The following CDH4 variants were observed in gnomAD, a reference collection of about 807,000 sequenced individuals.
CDH4 encodes the protein cadherin-4.
CDH4 carries 33 observed loss-of-function variants against 86.0 expected under a neutral mutation model. The ratio of observed to expected loss-of-function variants is 0.38; its 90% CI spans 0.29 to 0.51. The LOEUF (loss-of-function observed/expected upper bound fraction) is 0.51. Ranked by LOEUF, CDH4 falls within the 20% of genes least tolerant of loss-of-function variation. CDH4 has a pLI of 0.86. For synonymous variants in CDH4, 555 were observed against 549.4 expected, an observed-to-expected ratio of 1.01 and a Z score of -0.14; for missense variants, 1,114 against 1,307.4, an observed-to-expected ratio of 0.85 and a Z score of 2.28.
At chr20:61,572,596 A>G (rs895241947) in intron 2 of CDH4, among the ~76,000 whole-genome samples, 1 of 152,222 alleles carries the variant, frequency 6.6e-6, no homozygotes, top group Non-Finnish European at 1.5e-5. Flanking sequence ...GGCAATGGGC[A>G]GATCCACGCT....
At chr20:61,519,129 T>G (rs1371665067) in intron 2 of CDH4, among the ~76,000 whole-genome samples, 2 of 152,170 alleles carry the variant, frequency 1.3e-5, no homozygotes, top group Admixed American at 1.3e-4. Context: ...TAATGGAAGT[T>G]TCCACCACAA....
At chr20:61,490,326 G>A (rs374215871) in intron 2 of CDH4, among the ~76,000 whole-genome samples, 6 of 152,158 alleles carry the variant, frequency 3.9e-5, no homozygotes, top group African/African-American at 9.7e-5. Context: ...GAAAACACAC[G>A]AAGCGGAAGG....
At chr20:61,369,700 T>C (rs1466815280) in intron 2 of CDH4, among the ~76,000 whole-genome samples, 3 of 147,936 alleles carry the variant, frequency 2.0e-5, no homozygotes, top group Non-Finnish European at 3.0e-5. Flanking sequence ...TCTGTAAATC[T>C]AAAATTCTAT....
At chr20:61,545,353 G>A (rs1488071447) in intron 2 of CDH4, among the ~76,000 whole-genome samples, 3 of 152,222 alleles carry the variant, frequency 2.0e-5, no homozygotes, top group Non-Finnish European at 4.4e-5. Flanking sequence ...CAATTCTGCC[G>A]GCCGTGGGCT....
chr20:61,706,690 G>A (rs372032541), intron 2 of CDH4, among the ~76,000 whole-genome samples: 37 of 152,226 alleles, frequency 2.4e-4, no homozygotes, highest in East Asian at 1.4e-3. Context: ...CCTGATCCCC[G>A]ATGTGTAGAA....
chr20:61,850,916 G>A (rs1002740867), intron 5 of CDH4, among the ~76,000 whole-genome samples: 25 of 152,252 alleles, frequency 1.6e-4, no homozygotes, highest in East Asian at 5.8e-4. Flanking sequence ...GTATTTCCTC[G>A]TTATCCGCAC....
chr20:61,752,095 G>C (rs2088504082), intron 3 of CDH4, among the ~76,000 whole-genome samples: 1 of 152,178 alleles, frequency 6.6e-6, no homozygotes, highest in Non-Finnish European at 1.5e-5. Flanking sequence ...ACTTTGGGAG[G>C]CCAAGGTGGG....
chr20:61,864,894 G>A (rs1983479043), intron 6 of CDH4, among the ~76,000 whole-genome samples: 2 of 152,144 alleles, frequency 1.3e-5, no homozygotes, highest in Admixed American at 6.5e-5. Flanking sequence ...GGGGCTGCAC[G>A]GGGCCACTCT....
intron 9 of CDH4, among the ~76,000 whole-genome samples, chr20:61,918,801 TG>T (rs2054934569): frequency 6.6e-6 from 1 of 152,176 alleles, no homozygotes; most frequent in Non-Finnish European, 1.5e-5. Context: ...CAGACCCTCC[TG>T]GAGGCAGTCA....
At chr20:61,287,160 A>T (rs1383549754) in intron 2 of CDH4, among the ~76,000 whole-genome samples, 3 of 152,146 alleles carry the variant, frequency 2.0e-5, no homozygotes, top group South Asian at 2.1e-4. Flanking sequence ...CAGCCTTGTC[A>T]TGTGGTGAAG....
Position 61,703,844 on chromosome 20 carries a change from T to G in CDH4, c.170-39719T>G, listed in dbSNP as rs2087801986. 6.6e-6 allele frequency among the ~76,000 whole-genome samples: 1 copy of G among 152,252 alleles called. No individual in the cohort carries two copies. The highest frequency in any genetic ancestry group is 1.5e-5 in the Non-Finnish European group (1 of 68,054). On this transcript the variant is annotated intron_variant, in intron 2 of 15. Coordinates refer to ENST00000614565, the MANE Select transcript of CDH4 (RefSeq NM_001794.5). This position sits in a 1 kb window ranked among gnomAD's most constrained non-coding sequence, Gnocchi z 4.3. Reference sequence around the variant, plus strand: ...GATTTAAACAATATTTACTCAGAGCTGCTTTACCTTGTATTTTCATTTGGA... The same window carrying G: ...GATTTAAACAATATTTACTCAGAGCGGCTTTACCTTGTATTTTCATTTGGA...
intron 2 of CDH4, among the ~76,000 whole-genome samples, chr20:61,478,079 G>A (rs2085549315): frequency 1.3e-5 from 2 of 152,170 alleles, no homozygotes; most frequent in African/African-American, 4.8e-5. Context: ...GGCAGGGATC[G>A]GAGCTGCTCA....
intron 2 of CDH4, among the ~76,000 whole-genome samples, chr20:61,416,253 G>A (rs532629309): frequency 1.3e-5 from 2 of 152,046 alleles, no homozygotes; most frequent in Non-Finnish European, 2.9e-5. Context: ...ACCCACCTCG[G>A]CCTCCCAAAG....
chr20:61,534,681 T>TTTTTTTTTTTTTTTTTTTTTTTTA (rs2085982845), intron 2 of CDH4, among the ~76,000 whole-genome samples: 1 of 145,026 alleles, frequency 6.9e-6, no homozygotes, highest in African/African-American at 2.6e-5. Context: ...TTTTTTTTTT[T>TTTTTTTTTTTTTTTTTTTTTTTTA]TTTTTTGAGG....
At chr20:61,554,427 A>G (rs1467162851) in intron 2 of CDH4, among the ~76,000 whole-genome samples, 1 of 152,244 alleles carries the variant, frequency 6.6e-6, no homozygotes, top group Non-Finnish European at 1.5e-5. Context: ...CCAGGACCCA[A>G]GAGTCCAAGC....
rs148444518 is a variant in CDH4 at position 61,558,024 on chromosome 20, A to AC, written c.170-185538dup. Among the ~76,000 whole-genome samples, 3 of 152,316 alleles carry AC rather than the reference A, an allele frequency of 2.0e-5. No individual in the cohort carries two copies. In the East Asian group the frequency reaches 5.8e-4, roughly 29 times the overall value. On this transcript the variant is annotated intron_variant, in intron 2 of 15. Coordinates refer to ENST00000614565, the MANE Select transcript of CDH4 (RefSeq NM_001794.5). ...GCTGAAATTGCCAGTTGGAATGAGA[A>AC]CAGTTATGTTTTCAAGCTCGAGTTT...
intron 3 of CDH4, among the ~76,000 whole-genome samples, chr20:61,763,885 G>A (rs2088668226): frequency 6.6e-6 from 1 of 152,176 alleles, no homozygotes; most frequent in Admixed American, 6.5e-5. Context: ...CTTGGGAGGT[G>A]CATATGATTA....
chr20:61,594,565 G>T (rs1176029681), intron 2 of CDH4, among the ~76,000 whole-genome samples: 1 of 152,234 alleles, frequency 6.6e-6, no homozygotes, highest in Admixed American at 6.5e-5. Flanking sequence ...GGGCAGCTCA[G>T]TGGGGCTCGA....
chr20:61,871,423 T>G (rs963518080), intron 6 of CDH4, among the ~76,000 whole-genome samples: 6 of 152,202 alleles, frequency 3.9e-5, no homozygotes, highest in Non-Finnish European at 8.8e-5. Context: ...GTTATCCCTC[T>G]CCACGAATGA....
Sources: gnomAD v4.1 joint callset for allele counts (sites outside exome capture counted in the v4.1 genomes callset) on GRCh38, gnomAD v4.1.1 for gene constraint, Gnocchi (gnomAD v3.1) non-coding constraint, MANE v1.5 for transcripts, NCBI Gene and HGNC (gene_info 2026-07-23, HGNC 2026-07-21) for gene names.